The following ZMYM2 variants were observed in gnomAD, a reference collection of about 807,000 sequenced individuals.
The protein encoded by ZMYM2 is zinc finger MYM-type protein 2.
A neutral mutation model predicts 162.8 loss-of-function variants in ZMYM2; 56 were observed. The ratio of observed to expected loss-of-function variants is 0.34; its 90% CI spans 0.28 to 0.43. ZMYM2 has a LOEUF of 0.43. Ranked by LOEUF, ZMYM2 falls within the 20% of genes least tolerant of loss-of-function variation. ZMYM2 has a pLI of 1.00. For synonymous variants in ZMYM2, 510 were observed against 541.6 expected (o/e 0.94, Z 0.81); for missense variants, 1,275 against 1,621.8 (o/e 0.79, Z 3.67).
chr13:19,936,048 C>T, the ZMYM2 span, among the ~76,000 whole-genome samples: 9 of 152,142 alleles, frequency 5.9e-5, no homozygotes, highest in East Asian at 1.9e-4. Flanking sequence ...GCTGGAATCA[C>T]GGAATATCTA....
At chr13:19,950,768 T>C in the ZMYM2 span, among the ~76,000 whole-genome samples, 879 of 152,344 alleles carry the variant, frequency 5.8e-3, 7 homozygotes, top group Middle Eastern at 0.01. Context: ...ATTCACTAAA[T>C]AACGGTTGAC....
At chr13:20,071,928 G>A (rs1039863585) in intron 21 of ZMYM2, 12 of 192,404 alleles carry the variant, frequency 6.2e-5, no homozygotes, top group Admixed American at 5.9e-5. Flanking sequence ...TTTCTAGTAA[G>A]CTTCTCTGTA....
intron 2 of ZMYM2, among the ~76,000 whole-genome samples, chr13:19,984,335 A>C (rs956670618): frequency 5.9e-5 from 9 of 152,244 alleles, no homozygotes; most frequent in Non-Finnish European, 1.3e-4. Flanking sequence ...TTTATGATTT[A>C]TAATGTGGAG....
rs775853245 is a variant in ZMYM2 at position 19,993,726 on chromosome 13, A to T, written c.654A>T (p.Thr218=). ...TGAACTTAATGATTACACATGTAACATCACTGCAGAATACCAACTTGGGAG... is the reference window on the plus strand; with the variant it reads ...TGAACTTAATGATTACACATGTAACTTCACTGCAGAATACCAACTTGGGAG... ...RDMNLMITHV[T]SLQNTNLGDV... Residue 218 remains threonine (T), a synonymous_variant, in exon 3 of 25, where the codon ACA becomes ACT. Transcript: ENST00000610343. The T allele has an allele frequency of 3.1e-6, 5 of 1,614,040 alleles. No individual in the cohort carries two copies. The South Asian group carries it at 5.5e-5, about 18-fold the overall frequency.
At position 20,027,296 on chromosome 13, in the gene ZMYM2, C is replaced by G; in HGVS notation, c.1829C>G (p.Ser610Cys). 1 of 1,573,058 alleles carries G rather than the reference C, an allele frequency of 6.4e-7. No individual in the cohort carries two copies. Among genetic ancestry groups the G allele is most frequent in the Non-Finnish European group, 8.6e-7 (1 of 1,157,132 alleles). ...GGAAAACTGTACAACTTTTGCAATT[C>G]CAGTTGTGTGGCTAAATTTCAGGTT... ...PDGKLYNFCN[S>C]SCVAKFQALS... is the part of the protein sequence containing the mutation. The change falls in exon 9 of 25, where the codon TCC becomes TGC. Residue 610 changes from serine (S) to cysteine (C), a missense_variant. Physicochemically the swap from Ser to Cys is moderately radical, Grantham distance 112. Coordinates refer to ENST00000610343, the MANE Select transcript of ZMYM2 (RefSeq NM_197968.4).
chr13:19,958,638 G>A (rs965279540), upstream of ZMYM2: 1 of 152,468 alleles, frequency 6.6e-6, no homozygotes. Context: ...CGTGCCCGAA[G>A]CGCTCCGGCC....
intron 12 of ZMYM2, among the ~76,000 whole-genome samples, chr13:20,039,332 GC>G (rs1954016769): frequency 1.3e-5 from 2 of 152,142 alleles, no homozygotes; most frequent in South Asian, 4.1e-4. Context: ...GTGAGAGAGG[GC>G]ATCCTTGTCT....
At chr13:19,903,409 G>A in the ZMYM2 span, among the ~76,000 whole-genome samples, 1 of 150,114 alleles carries the variant, frequency 6.7e-6, no homozygotes, top group Non-Finnish European at 1.5e-5. Flanking sequence ...GGAGGCTGAG[G>A]CGGGCGGATC....
chr13:20,046,834 T>C (rs1018890690), intron 12 of ZMYM2, among the ~76,000 whole-genome samples: 1 of 151,914 alleles, frequency 6.6e-6, no homozygotes, highest in Non-Finnish European at 1.5e-5. Flanking sequence ...TTTTAAAAGA[T>C]AGTTATTTCT....
chr13:19,935,781 G>C, the ZMYM2 span, among the ~76,000 whole-genome samples: 1 of 152,070 alleles, frequency 6.6e-6, no homozygotes, highest in Non-Finnish European at 1.5e-5. Flanking sequence ...ATAGGATACA[G>C]AGTAATATCC....
intron 2 of ZMYM2, among the ~76,000 whole-genome samples, chr13:19,991,871 C>G (rs977990402): frequency 1.3e-5 from 2 of 152,096 alleles, no homozygotes; most frequent in African/African-American, 4.8e-5. Flanking sequence ...CTCAAGTGAT[C>G]TGCCCACCTC....
the ZMYM2 span, among the ~76,000 whole-genome samples, chr13:19,885,943 A>ATGTG: frequency 3.5e-3 from 86 of 24,414 alleles, 14 homozygotes; most frequent in Non-Finnish European, 5.6e-3. Context: ...ACACATATAT[A>ATGTG]TGTATATACA....
At chr13:20,046,634 T>C (rs990115136) in intron 12 of ZMYM2, among the ~76,000 whole-genome samples, 17 of 137,202 alleles carry the variant, frequency 1.2e-4, no homozygotes, top group Admixed American at 2.2e-4. Context: ...TATATGTGTA[T>C]ATATATGTGT....
At chr13:20,046,966 T>G (rs534414691) in intron 12 of ZMYM2, among the ~76,000 whole-genome samples, 3 of 152,290 alleles carry the variant, frequency 2.0e-5, no homozygotes, top group Admixed American at 2.0e-4. Flanking sequence ...ATGTCAGTAT[T>G]CTGTACCTTA....
chr13:19,965,711 C>T (rs1345606926), intron 2 of ZMYM2, among the ~76,000 whole-genome samples: 1 of 147,228 alleles, frequency 6.8e-6, no homozygotes, highest in Non-Finnish European at 1.5e-5. Context: ...TCGTTCCAGG[C>T]TTGTCATATC....
chr13:19,924,458 C>T, the ZMYM2 span, among the ~76,000 whole-genome samples: 1 of 152,084 alleles, frequency 6.6e-6, no homozygotes, highest in Non-Finnish European at 1.5e-5. Context: ...GTCTCAGCTA[C>T]TTGGGAGGCT....
At chr13:19,912,292 G>GTTTTTTTTTTTTTT in the ZMYM2 span, among the ~76,000 whole-genome samples, 3 of 75,714 alleles carry the variant, frequency 4.0e-5, no homozygotes, top group Admixed American at 1.6e-4. Context: ...TGTTTTTTGG[G>GTTTTTTTTTTTTTT]TTTTTTTTTT....
intron 21 of ZMYM2, among the ~76,000 whole-genome samples, chr13:20,075,751 G>T (rs548310230): frequency 7.9e-6 from 1 of 127,266 alleles, no homozygotes; most frequent in African/African-American, 3.1e-5. Flanking sequence ...GCGCCATCTC[G>T]GCTTAATGCA....
rs749376010 is a variant in ZMYM2 at position 20,066,834 on chromosome 13, G to C, written c.3133-17G>C. The C allele has an allele frequency of 1.3e-6, 2 of 1,545,138 alleles. No individual in the cohort carries two copies. Among genetic ancestry groups the C allele is most frequent in the Non-Finnish European group, 8.7e-7 (1 of 1,149,246 alleles). On this transcript the variant is annotated splice_polypyrimidine_tract_variant and intron_variant, in intron 19 of 24. Transcript: ENST00000610343. ...AGGCTTTAAAAAAGATATTATTATG[G>C]TGTTTTTTACTAATAGGGAGCCAAG...
Sources: gnomAD v4.1 joint callset for allele counts (sites outside exome capture counted in the v4.1 genomes callset) on GRCh38, gnomAD v4.1.1 for gene constraint, MANE v1.5 for transcripts, NCBI Gene and HGNC (gene_info 2026-07-23, HGNC 2026-07-21) for gene names.